ANGPT2: variants seen among roughly 807,000 people sequenced by gnomAD.
The protein encoded by ANGPT2 is angiopoietin 2, also known as angiopoietin-2.
ANGPT2 carries 28 observed loss-of-function variants against 62.9 expected under a neutral mutation model. The observed-to-expected ratio is 0.44, with a 90% CI of 0.33 to 0.61. The LOEUF is 0.61. ANGPT2 is among the 20% of genes least tolerant of loss of function. ANGPT2 has a pLI of 0.03. For missense variants in ANGPT2, 727 were observed against 594.9 expected (o/e 1.22, Z -2.31); for synonymous variants, 284 against 207.8 (o/e 1.37, Z -3.15).
At chr8:6,533,471 G>A (rs765598799) in intron 1 of ANGPT2, among the ~76,000 whole-genome samples, 22 of 152,038 alleles carry the variant, frequency 1.4e-4, no homozygotes, top group Middle Eastern at 3.2e-3. Context: ...ATGTAAAATA[G>A]GGTTTCTGGT....
chr8:6,504,358 G>A (rs773803304), intron 8 of ANGPT2, among the ~76,000 whole-genome samples: 2 of 147,764 alleles, frequency 1.4e-5, no homozygotes, highest in African/African-American at 5.0e-5. Flanking sequence ...ACCTTAAATT[G>A]CATGCCGTTC....
At chr8:6,548,931 C>CCT (rs1365541817) in intron 1 of ANGPT2, among the ~76,000 whole-genome samples, 1 of 152,208 alleles carries the variant, frequency 6.6e-6, no homozygotes, top group African/African-American at 2.4e-5. Flanking sequence ...TCCTTGTTAA[C>CCT]CTCTGGTTAT....
intron 7 of ANGPT2, among the ~76,000 whole-genome samples, chr8:6,510,934 T>G (rs1157000462): frequency 1.3e-5 from 2 of 152,212 alleles, no homozygotes; most frequent in African/African-American, 2.4e-5. Flanking sequence ...TCTAAATGCC[T>G]GCTGCAAAAT....
intron 1 of ANGPT2, among the ~76,000 whole-genome samples, chr8:6,537,512 C>A (rs1386530521): frequency 6.6e-6 from 1 of 151,672 alleles, no homozygotes; most frequent in African/African-American, 2.4e-5. Context: ...CGCATCGAAA[C>A]TCAAGCAACC....
chr8:6,531,760 G>A (rs1819559229), intron 2 of ANGPT2, among the ~76,000 whole-genome samples: 1 of 151,202 alleles, frequency 6.6e-6, no homozygotes. Flanking sequence ...GTTAGTGGCG[G>A]ACCTGGAGCC....
chr8:6,503,433 A>G (rs1256827693), intron 8 of ANGPT2, among the ~76,000 whole-genome samples, 172 bp from the exon 9 acceptor site: 1 of 152,144 alleles, frequency 6.6e-6, no homozygotes. Flanking sequence ...TTCCAGCCAT[A>G]CACCCATGAC....
At chr8:6,544,009 A>T (rs542139420) in intron 1 of ANGPT2, among the ~76,000 whole-genome samples, 1 of 152,246 alleles carries the variant, frequency 6.6e-6, no homozygotes, top group Admixed American at 6.5e-5. Context: ...TTTAGATCTG[A>T]TCAGCAGTAG....
intron 1 of ANGPT2, among the ~76,000 whole-genome samples, chr8:6,535,045 G>C (rs1820241452): frequency 6.6e-6 from 1 of 152,176 alleles, no homozygotes; most frequent in Admixed American, 6.5e-5. Flanking sequence ...TGGAACTATA[G>C]AGATAGACTC....
At chr8:6,515,623 G>A (rs984310097) in intron 5 of ANGPT2, among the ~76,000 whole-genome samples, 1 of 152,112 alleles carries the variant, frequency 6.6e-6, no homozygotes, top group Non-Finnish European at 1.5e-5. Context: ...AAAAACCCCT[G>A]AAAATAAGAT....
intron 8 of ANGPT2, among the ~76,000 whole-genome samples, chr8:6,505,253 A>ATATATAGAATATATATATATATTC (rs1813130279): frequency 4.6e-5 from 1 of 21,932 alleles, no homozygotes; most frequent in Non-Finnish European, 1.1e-4. Flanking sequence ...TATATTCTTT[A>ATATATAGAATATATATATATATTC]TATATGTTTT....
intron 1 of ANGPT2, among the ~76,000 whole-genome samples, chr8:6,556,819 C>A (rs1174529964): frequency 6.6e-6 from 1 of 151,982 alleles, no homozygotes; most frequent in Non-Finnish European, 1.5e-5. Flanking sequence ...GAACTCCTGG[C>A]CTCAAAGTGT....
chr8:6,511,547 T>G (rs1020721826), intron 7 of ANGPT2, among the ~76,000 whole-genome samples: 3 of 152,078 alleles, frequency 2.0e-5, no homozygotes, highest in African/African-American at 7.3e-5. Flanking sequence ...GAACATTTCT[T>G]CTGGGAAAAA....
At position 6,556,668 on chromosome 8, in the gene ANGPT2, C is replaced by T. The variant is rs141215388; in HGVS notation, c.288+5979G>A. On this transcript the variant is annotated intron_variant, in intron 1 of 8. Transcript: ENST00000629816. Reference sequence around the variant, plus strand: ...TCACTTTGTTGCCCAGGCTGGAGCGCAATGGCACCATCATAGTTCACTGCA... The same window carrying T: ...TCACTTTGTTGCCCAGGCTGGAGCGTAATGGCACCATCATAGTTCACTGCA... Among the ~76,000 whole-genome samples, 27 of 152,072 alleles carry T rather than the reference C, an allele frequency of 1.8e-4. No homozygotes were observed. The East Asian group carries it at 5.2e-3, about 29-fold the overall frequency.
At chr8:6,555,797 A>T (rs534491254) in intron 1 of ANGPT2, among the ~76,000 whole-genome samples, 2 of 152,354 alleles carry the variant, frequency 1.3e-5, no homozygotes, top group Admixed American at 1.3e-4. Flanking sequence ...GAACGATTAA[A>T]TAGTTGTACC....
chr8:6,524,622 T>A (rs1817992238), intron 3 of ANGPT2, among the ~76,000 whole-genome samples: 5 of 152,090 alleles, frequency 3.3e-5, no homozygotes, highest in Admixed American at 3.3e-4. Context: ...TTTTTTAGGG[T>A]TTTGGAGAAA....
chr8:6,521,862 A>G (rs931943687), intron 3 of ANGPT2, among the ~76,000 whole-genome samples: 3 of 152,214 alleles, frequency 2.0e-5, no homozygotes, highest in Admixed American at 6.5e-5. Context: ...AATCCTAATG[A>G]TAATAATAGC....
chr8:6,514,771 C>T lies in ANGPT2; in HGVS notation c.935G>A (p.Cys312Tyr), dbSNP rs1815913789. ...PNSTEEIKAY[C>Y]DMEAGGGGWT... Reference sequence around the variant, plus strand: ...CCCGCCTCCTCCAGCTTCCATGTCACAGTAGGCCTGCAAACAGGAATGCAG... The same window carrying T: ...CCCGCCTCCTCCAGCTTCCATGTCATAGTAGGCCTGCAAACAGGAATGCAG... The change falls in exon 6 of 9, where the codon TGT becomes TAT. Residue 312 changes from cysteine (C) to tyrosine (Y), a missense_variant. By Grantham distance (194) the Cys-to-Tyr change is radical (BLOSUM62 -2). Transcript: ENST00000629816. 1.9e-6 allele frequency: 3 copies of T among 1,613,902 alleles called. No individual in the cohort carries two copies. The highest frequency in any genetic ancestry group is 2.5e-6 in the Non-Finnish European group (3 of 1,179,984).
At chr8:6,529,682 C>G (rs192264035) in intron 2 of ANGPT2, among the ~76,000 whole-genome samples, 125 of 136,640 alleles carry the variant, frequency 9.1e-4, no homozygotes, top group Admixed American at 3.5e-3. Flanking sequence ...TCAAGCTGGT[C>G]TCGGACTCCT....
intron 6 of ANGPT2, 38 bp downstream of exon 6, chr8:6,514,639 G>T: frequency 1.3e-6 from 2 of 1,568,458 alleles, no homozygotes; most frequent in Non-Finnish European, 1.8e-6. Context: ...TTTTTCACAA[G>T]GGAAATTCTT....
Sources: allele counts gnomAD v4.1 joint callset (sites outside exome capture counted in the v4.1 genomes callset), GRCh38; gene constraint gnomAD v4.1.1; transcripts MANE v1.5; gene names NCBI Gene and HGNC (gene_info 2026-07-23, HGNC 2026-07-21).